The following SPTSSA variants were observed in gnomAD, a reference collection of about 807,000 sequenced individuals.
The protein encoded by SPTSSA is small subunit of serine palmitoyltransferase A.
A neutral mutation model predicts 9.1 loss-of-function variants in SPTSSA; 8 were observed. That is an observed-to-expected ratio of 0.88 (90% confidence interval 0.51 to 1.58). The LOEUF (loss-of-function observed/expected upper bound fraction) is 1.58, where lower values mean the gene tolerates loss of function less well. Among genes scored for constraint, SPTSSA ranks in the 40% most tolerant of loss-of-function variants. The probability of loss-of-function intolerance (pLI) is 0.00; values close to 1 mark genes in which losing one functional copy is unlikely to be tolerated. For missense variants in SPTSSA, 100 were observed against 93.8 expected (o/e 1.07, Z -0.27); for synonymous variants, 42 against 37.7 (o/e 1.11, Z -0.41).
At chr14:34,436,155 C>G (rs1393116353) in intron 1 of SPTSSA, among the ~76,000 whole-genome samples, 2 of 152,202 alleles carry the variant, frequency 1.3e-5, no homozygotes, top group Non-Finnish European at 2.9e-5. Flanking sequence ...GCAACTGCTA[C>G]TGCTATTATC....
At position 34,448,178 on chromosome 14, in the gene SPTSSA, C is replaced by G. The variant is rs141232727; in HGVS notation, c.113-12874G>C. Reference sequence around the variant, plus strand: ...GGCTGAGGCAGGAGAATCGCTTGAACTCGGGAGGTGGAGGTTGCAGTGAGC... The same window carrying G: ...GGCTGAGGCAGGAGAATCGCTTGAAGTCGGGAGGTGGAGGTTGCAGTGAGC... On this transcript the variant is annotated intron_variant, in intron 1 of 1. Transcript: ENST00000298130. Among the ~76,000 whole-genome samples the G allele has an allele frequency of 6.5e-3, 983 of 152,154 alleles. 11 individuals are homozygous for G. The highest frequency in any genetic ancestry group is 0.022 in the African/African-American group (933 of 41,512).
chr14:34,458,565 C>T (rs1268396442), intron 1 of SPTSSA, among the ~76,000 whole-genome samples: 1 of 151,204 alleles, frequency 6.6e-6, no homozygotes, highest in Non-Finnish European at 1.5e-5. Context: ...GGCACGATCT[C>T]GGCTCACTGC....
intron 1 of SPTSSA, among the ~76,000 whole-genome samples, chr14:34,444,561 G>A (rs1382077810): frequency 1.3e-5 from 2 of 152,196 alleles, no homozygotes; most frequent in South Asian, 2.1e-4. Context: ...AGACCATCCT[G>A]GCCAACATAG....
At chr14:34,436,790 T>C (rs1883247964) in intron 1 of SPTSSA, among the ~76,000 whole-genome samples, 1 of 152,200 alleles carries the variant, frequency 6.6e-6, no homozygotes, top group Non-Finnish European at 1.5e-5. Context: ...AAACCAAGAC[T>C]GCCTGACTCA....
At position 34,449,257 on chromosome 14, in the gene SPTSSA, T is replaced by C. The variant is rs900999789; in HGVS notation, c.112+12839A>G. ...ACAAAAACAAACAATTAGCCAGGCA[T>C]GGTGATATATGCCTGTAGTCCCAGA... On this transcript the variant is annotated intron_variant, in intron 1 of 1. Coordinates refer to ENST00000298130, the MANE Select transcript of SPTSSA (RefSeq NM_138288.4). Among the ~76,000 whole-genome samples the C allele has an allele frequency of 7.9e-5, 12 of 152,088 alleles. No homozygotes were observed. In the Middle Eastern group the frequency reaches 0.01, roughly 129 times the overall value.
At chr14:34,459,415 C>T (rs1470566925) in intron 1 of SPTSSA, among the ~76,000 whole-genome samples, 1 of 147,362 alleles carries the variant, frequency 6.8e-6, no homozygotes, top group East Asian at 2.0e-4. Context: ...GCCAAGATTG[C>T]ACCACCACAC....
In SPTSSA at chr14:34,437,112, T is replaced by C. The variant is rs377186799; in HGVS notation, c.113-1808A>G. On this transcript the variant is annotated intron_variant, in intron 1 of 1. Transcript: ENST00000298130. ...AAGGCTGTTTGAATTGACACTGTTT[T>C]AGTCCTTCTTCTTCAAAACCCTTTC... 3.9e-5 allele frequency among the ~76,000 whole-genome samples: 6 copies of C among 152,364 alleles called. No individual in the cohort carries two copies. In the East Asian group the frequency reaches 7.7e-4, roughly 20 times the overall value.
chr14:34,441,152 G>A (rs1244686130), intron 1 of SPTSSA, among the ~76,000 whole-genome samples: 3 of 152,140 alleles, frequency 2.0e-5, no homozygotes, highest in Non-Finnish European at 4.4e-5. Context: ...GGCAGTTGAC[G>A]CCTGTAATCC....
chr14:34,436,922 T>G (rs1289533809), intron 1 of SPTSSA, among the ~76,000 whole-genome samples: 3 of 150,738 alleles, frequency 2.0e-5, no homozygotes, highest in African/African-American at 7.4e-5. Flanking sequence ...CGCCTTCTAT[T>G]TACTAATTTC....
intron 1 of SPTSSA, among the ~76,000 whole-genome samples, chr14:34,437,957 C>G (rs527480951): frequency 6.6e-6 from 1 of 152,066 alleles, no homozygotes; most frequent in Non-Finnish European, 1.5e-5. Context: ...CGCACTACCA[C>G]GCCCAGCTGA....
At chr14:34,449,427 C>T (rs770567218) in intron 1 of SPTSSA, among the ~76,000 whole-genome samples, 125 of 151,928 alleles carry the variant, frequency 8.2e-4, no homozygotes, top group Non-Finnish European at 1.2e-3. Context: ...TTCTAGATCA[C>T]CTGACCTGGT....
intron 1 of SPTSSA, among the ~76,000 whole-genome samples, chr14:34,443,905 C>A (rs1055012538): frequency 1.3e-5 from 2 of 152,122 alleles, no homozygotes; most frequent in South Asian, 4.1e-4. Context: ...CCAAAATTTG[C>A]AAACTATTTG....
chr14:34,446,416 G>C lies in SPTSSA; in HGVS notation c.113-11112C>G, dbSNP rs74884265. 4.5e-3 allele frequency among the ~76,000 whole-genome samples: 682 copies of C among 152,290 alleles called. 2 individuals are homozygous for C. Among genetic ancestry groups the C allele is most frequent in the African/African-American group, 0.015 (618 of 41,552 alleles). ...GCCTACATCTCTACAAACAATAGAAGTGGAAAAGGGGTCTGTTATGTGGAT... is the reference window on the plus strand; with the variant it reads ...GCCTACATCTCTACAAACAATAGAACTGGAAAAGGGGTCTGTTATGTGGAT... On this transcript the variant is annotated intron_variant, in intron 1 of 1. Transcript: ENST00000298130.
chr14:34,452,017 C>A (rs1023261033), intron 1 of SPTSSA, among the ~76,000 whole-genome samples: 2 of 151,876 alleles, frequency 1.3e-5, no homozygotes, highest in African/African-American at 4.8e-5. Context: ...AGCGTGGTGG[C>A]TCACGCCTGT....
chr14:34,447,530 T>C (rs1053092405), intron 1 of SPTSSA, among the ~76,000 whole-genome samples: 3 of 152,176 alleles, frequency 2.0e-5, no homozygotes, highest in African/African-American at 7.2e-5. Context: ...CTATAAATGA[T>C]GTGCTGAGAC....
At chr14:34,461,926 GC>G (rs1366876526) in intron 1 of SPTSSA, among the ~76,000 whole-genome samples, 169 bp downstream of exon 1, 2 of 22,840 alleles carry the variant, frequency 8.8e-5, no homozygotes, top group African/African-American at 3.7e-4. Flanking sequence ...ACTTAACCCC[GC>G]GAGCGCCGCC....
chr14:34,459,189 T>C (rs1878559282), intron 1 of SPTSSA, among the ~76,000 whole-genome samples: 1 of 151,914 alleles, frequency 6.6e-6, no homozygotes, highest in African/African-American at 2.4e-5. Context: ...CCCAGCACTT[T>C]TGGGAGGCCA....
At chr14:34,436,037 A>G (rs1194278742) in intron 1 of SPTSSA, among the ~76,000 whole-genome samples, 1 of 152,190 alleles carries the variant, frequency 6.6e-6, no homozygotes, top group Non-Finnish European at 1.5e-5. Context: ...AACTTAACTA[A>G]TAAGAATGTA....
At chr14:34,436,260 T>A (rs1883240037) in intron 1 of SPTSSA, among the ~76,000 whole-genome samples, 1 of 152,202 alleles carries the variant, frequency 6.6e-6, no homozygotes, top group Non-Finnish European at 1.5e-5. Context: ...CTGTACCATG[T>A]TCCTTTCTTT....
Sources: gnomAD v4.1 joint callset for allele counts (sites outside exome capture counted in the v4.1 genomes callset) on GRCh38, gnomAD v4.1.1 for gene constraint, MANE v1.5 for transcripts, NCBI Gene and HGNC (gene_info 2026-07-23, HGNC 2026-07-21) for gene names.